AGXT2: variants seen among roughly 807,000 people sequenced by gnomAD.
AGXT2 encodes the protein alanine--glyoxylate aminotransferase 2.
In AGXT2, 61 loss-of-function variants were observed where a neutral mutation model predicts 62.5. That is an observed-to-expected ratio of 0.98 (90% CI 0.79 to 1.21). AGXT2 has a LOEUF of 1.21. Ranked by LOEUF, AGXT2 falls within the 50% of genes most tolerant of loss-of-function variation. AGXT2 has a pLI of 0.00. For missense variants in AGXT2, 666 were observed against 641.5 expected (o/e 1.04, Z -0.41); for synonymous variants, 243 against 218.7 (o/e 1.11, Z -0.98).
rs769092350 is a variant in AGXT2 at position 35,003,895 on chromosome 5, G to C, written c.1339-34C>G. ...ATATTTTTAAAATTCTTTCTATTTGGTGTTGGAATGGTTAAAGGAATTATT... is the reference window on the plus strand; with the variant it reads ...ATATTTTTAAAATTCTTTCTATTTGCTGTTGGAATGGTTAAAGGAATTATT... On this transcript the variant is annotated intron_variant, in intron 12 of 13. Coordinates refer to ENST00000231420, the MANE Select transcript of AGXT2 (RefSeq NM_031900.4). 1.9e-6 allele frequency: 3 copies of C among 1,594,546 alleles called. No homozygotes were observed. In the South Asian group the frequency reaches 3.3e-5, roughly 18 times the overall value.
chr5:35,005,569 C>T (rs538205090), intron 12 of AGXT2, among the ~76,000 whole-genome samples: 8 of 151,864 alleles, frequency 5.3e-5, no homozygotes, highest in South Asian at 2.1e-4. Flanking sequence ...GGCTTCACCC[C>T]GACCTTGCTC....
intron 2 of AGXT2, among the ~76,000 whole-genome samples, chr5:35,040,030 C>CGT (rs779665826): frequency 1.9e-4 from 28 of 150,634 alleles, no homozygotes; most frequent in Non-Finnish European, 3.5e-4. Context: ...AAGGAGTTGC[C>CGT]GTGTGTGTGT....
At chr5:35,037,869 C>T (rs1767842226) in intron 3 of AGXT2, among the ~76,000 whole-genome samples, 1 of 152,160 alleles carries the variant, frequency 6.6e-6, no homozygotes, top group Non-Finnish European at 1.5e-5. Flanking sequence ...ATAATAGGGG[C>T]TAAGGATGAC....
At chr5:35,006,836 C>T (rs1716559666) in intron 12 of AGXT2, among the ~76,000 whole-genome samples, 1 of 152,150 alleles carries the variant, frequency 6.6e-6, no homozygotes, top group East Asian at 1.9e-4. Flanking sequence ...GGTATTATAA[C>T]TATGCGACTG....
At position 35,036,802 on chromosome 5, in the gene AGXT2, C is replaced by G; in HGVS notation, c.486+140G>C. 5 of 1,228,274 alleles carry G rather than the reference C, an allele frequency of 4.1e-6. No homozygotes were observed. In the Admixed American group the frequency reaches 9.2e-5, roughly 23 times the overall value. The allele number at this position is 1,228,274 out of a possible 1,614,324, so 76.1% of individuals were successfully genotyped here. ...ATCACCACTACAGATGTTCAGTGCA[C>G]AGGCTAAATTCCCTGCCCATGTCCC... On this transcript the variant is annotated intron_variant, in intron 4 of 13. Transcript: ENST00000231420.
Position 35,035,207 on chromosome 5 carries a change from C to G in AGXT2, c.581+15G>C. The stretch of plus-strand genomic sequence containing the variant: ...GTCAGTGTTCCTAAAGTTGAATATT[C>G]CAAGTTGTGATTACCTGAAAGAAAT... On this transcript the variant is annotated intron_variant, in intron 5 of 13. Transcript: ENST00000231420. 1 of 1,610,440 alleles carries G rather than the reference C, an allele frequency of 6.2e-7. No individual in the cohort carries two copies. Among genetic ancestry groups the G allele is most frequent in the Non-Finnish European group, 8.5e-7 (1 of 1,176,644 alleles).
chr5:35,043,879 ATCGG>A (rs1187095122), intron 1 of AGXT2, among the ~76,000 whole-genome samples: 2 of 152,172 alleles, frequency 1.3e-5, no homozygotes, highest in East Asian at 3.9e-4. Context: ...TTTAGTAGAG[ATCGG>A]GTTTCTCCAG....
chr5:35,005,308 A>G (rs1419473348), intron 12 of AGXT2, among the ~76,000 whole-genome samples: 2 of 152,152 alleles, frequency 1.3e-5, no homozygotes. Flanking sequence ...GGCTCACTGC[A>G]ACCTCTGCCT....
At chr5:35,013,767 A>G (rs1312874037) in intron 10 of AGXT2, among the ~76,000 whole-genome samples, 1 of 139,526 alleles carries the variant, frequency 7.2e-6, no homozygotes, top group South Asian at 2.4e-4. Flanking sequence ...TGGGTGACAG[A>G]GCAAGACTCT....
At chr5:35,038,907 A>C (rs1767878716) in intron 3 of AGXT2, among the ~76,000 whole-genome samples, 3 of 152,154 alleles carry the variant, frequency 2.0e-5, no homozygotes, top group Admixed American at 2.0e-4. Flanking sequence ...CATCTCTCAG[A>C]GGCCATGAAG....
At chr5:35,024,294 T>G (rs1042971319) in intron 9 of AGXT2, among the ~76,000 whole-genome samples, 6 of 152,216 alleles carry the variant, frequency 3.9e-5, no homozygotes, top group African/African-American at 1.4e-4. Context: ...TGTCCTTGGC[T>G]GGTCTAACCA....
chr5:35,040,803 G>A (rs1350908552), intron 1 of AGXT2, 140 bp from the exon 2 acceptor site: 21 of 738,798 alleles, frequency 2.8e-5, no homozygotes, highest in Non-Finnish European at 5.0e-5. Flanking sequence ...CTTTTAGTTT[G>A]GATTTAAAAT....
At position 35,044,814 on chromosome 5, in the gene AGXT2, T is replaced by A. The variant is rs140026462; in HGVS notation, c.88+2991A>T. Among the ~76,000 whole-genome samples, 43 of 152,328 alleles carry A rather than the reference T, an allele frequency of 2.8e-4. No homozygotes were observed. In the East Asian group the frequency reaches 8.1e-3, roughly 29 times the overall value. ...GAGTAGGCATTCTCTGTGATCACCC[T>A]TCCTGGCCCTTGGCATGTGTTAAAT... On this transcript the variant is annotated intron_variant, in intron 1 of 13. Transcript: ENST00000231420.
intron 1 of AGXT2, among the ~76,000 whole-genome samples, chr5:35,047,032 A>G (rs1768243456): frequency 6.6e-6 from 1 of 152,206 alleles, no homozygotes; most frequent in African/African-American, 2.4e-5. Context: ...CCTGGGGTCA[A>G]GCCCTGGCTT....
chr5:35,005,284 AG>A (rs756658802), intron 12 of AGXT2, among the ~76,000 whole-genome samples: 18 of 152,138 alleles, frequency 1.2e-4, no homozygotes, highest in Non-Finnish European at 2.6e-4. Context: ...GCTGCAGTGC[AG>A]TGGTGCAATC....
In AGXT2 at chr5:35,040,597, T is replaced by G. The variant is rs1767945708; in HGVS notation, c.155A>C (p.Asp52Ala). ...LHTKPRMPPC[D>A]FMPERYQSLG... ...CACCTGGTATCTTTCAGGCATGAAG[T>G]CACATGGAGGCATTCTGGGCTTTGT... Residue 52 changes from aspartate (D) to alanine (A), a missense_variant, in exon 2 of 14, where the codon GAC becomes GCC. By Grantham distance (126) the Asp-to-Ala change is moderately radical (BLOSUM62 -2). Transcript: ENST00000231420. 1 of 1,613,810 alleles carries G rather than the reference T, an allele frequency of 6.2e-7. No individual in the cohort carries two copies. Among genetic ancestry groups the G allele is most frequent in the Admixed American group, 1.7e-5 (1 of 60,012 alleles).
Position 35,010,115 on chromosome 5 carries a change from T to C in AGXT2, c.1223A>G (p.Gln408Arg). ...TAGTAACATGTAGGTCCCAACTTCTTGACTGTTTTCCTGTAGATTTTCTTC... is the reference window on the plus strand; with the variant it reads ...TAGTAACATGTAGGTCCCAACTTCTCGACTGTTTTCCTGTAGATTTTCTTC... ...IKEENLQENS[Q>R]EVGTYMLLKF... is the part of the protein sequence containing the mutation. Residue 408 changes from glutamine (Q) to arginine (R), a missense_variant, in exon 12 of 14, where the codon CAA becomes CGA. Coordinates refer to ENST00000231420, the MANE Select transcript of AGXT2 (RefSeq NM_031900.4). 1 of 1,614,220 alleles carries C rather than the reference T, an allele frequency of 6.2e-7. No homozygotes were observed. Among genetic ancestry groups the C allele is most frequent in the South Asian group, 1.1e-5 (1 of 91,086 alleles).
chr5:34,999,662 T>TCCTCTCAATCTAA (rs1298062621), intron 13 of AGXT2, among the ~76,000 whole-genome samples: 1 of 152,186 alleles, frequency 6.6e-6, no homozygotes, highest in Non-Finnish European at 1.5e-5. Context: ...TCTAAACCTT[T>TCCTCTCAATCTAA]ATCATTCCTC....
At chr5:35,007,953 T>C (rs1490648862) in intron 12 of AGXT2, among the ~76,000 whole-genome samples, 1 of 150,446 alleles carries the variant, frequency 6.6e-6, no homozygotes, top group Admixed American at 6.6e-5. Flanking sequence ...ATCTCTTGCT[T>C]TCTCTCTCTC....
Sources: allele counts gnomAD v4.1 joint callset (sites outside exome capture counted in the v4.1 genomes callset), GRCh38; gene constraint gnomAD v4.1.1; transcripts MANE v1.5; gene names NCBI Gene and HGNC (gene_info 2026-07-23, HGNC 2026-07-21).